The following MCC variants were observed in gnomAD, a reference collection of about 807,000 sequenced individuals.
The protein encoded by MCC is MCC regulator of Wnt signaling pathway.
MCC carries 90 observed loss-of-function variants against 116.2 expected under a neutral mutation model. The ratio of observed to expected loss-of-function variants is 0.77; its 90% confidence interval spans 0.65 to 0.92. MCC has a LOEUF of 0.92. MCC is among the 40% of genes least tolerant of loss of function. The probability of loss-of-function intolerance (pLI) is 0.00; values close to 1 mark genes in which losing one functional copy is unlikely to be tolerated. For missense variants in MCC, 1,516 were observed against 1,312.2 expected (o/e 1.16, Z -2.40); for synonymous variants, 578 against 510.5 (o/e 1.13, Z -1.78).
intron 3 of MCC, among the ~76,000 whole-genome samples, chr5:113,216,607 A>G (rs1763327151): frequency 6.6e-6 from 1 of 152,230 alleles, no homozygotes; most frequent in African/African-American, 2.4e-5. Flanking sequence ...TTTACAAGGT[A>G]TTTTTAAAAT....
At chr5:113,484,770 C>A (rs186965220) in intron 1 of MCC, among the ~76,000 whole-genome samples, 1 of 152,014 alleles carries the variant, frequency 6.6e-6, no homozygotes, top group African/African-American at 2.4e-5. Context: ...TTATATTGAA[C>A]GGTAAAAACA....
intron 1 of MCC, among the ~76,000 whole-genome samples, chr5:113,438,103 G>A (rs1415788860): frequency 6.6e-6 from 1 of 152,198 alleles, no homozygotes; most frequent in Non-Finnish European, 1.5e-5. Flanking sequence ...CATGAGAGGA[G>A]AGCCAATCCT....
chr5:113,481,162 T>A (rs187950920), intron 1 of MCC, among the ~76,000 whole-genome samples: 2 of 152,356 alleles, frequency 1.3e-5, no homozygotes, highest in Admixed American at 6.5e-5. Flanking sequence ...TTTTAAACAA[T>A]TTGATTAGCC....
At chr5:113,102,807 G>C (rs565537529) in intron 7 of MCC, among the ~76,000 whole-genome samples, 4 of 151,422 alleles carry the variant, frequency 2.6e-5, no homozygotes, top group Non-Finnish European at 5.9e-5. Flanking sequence ...AGAAGGCAGT[G>C]AAGAGATGGA....
intron 2 of MCC, among the ~76,000 whole-genome samples, chr5:113,380,062 T>C (rs773158031): frequency 9.2e-5 from 14 of 152,360 alleles, no homozygotes; most frequent in South Asian, 6.2e-4. Flanking sequence ...AATGAATCTA[T>C]GGAAATTCCT....
At chr5:113,111,045 G>C (rs1423037825) in intron 6 of MCC, among the ~76,000 whole-genome samples, 1 of 152,074 alleles carries the variant, frequency 6.6e-6, no homozygotes, top group Non-Finnish European at 1.5e-5. Flanking sequence ...TTTTCTAAAT[G>C]CAATTTTCCT....
At chr5:113,029,564 T>C (rs726038) in intron 17 of MCC, among the ~76,000 whole-genome samples, 1,917 of 152,182 alleles carry the variant, frequency 0.013, 30 homozygotes, top group African/African-American at 0.044. Context: ...TATGATACTC[T>C]CTTCATTGTA....
At chr5:113,054,163 C>T (rs960238389) in intron 14 of MCC, among the ~76,000 whole-genome samples, 2 of 152,220 alleles carry the variant, frequency 1.3e-5, no homozygotes, top group Non-Finnish European at 2.9e-5. Context: ...AATGCTTACA[C>T]TCCTTGACGC....
At chr5:113,051,129 C>T (rs1752457163) in intron 15 of MCC, among the ~76,000 whole-genome samples, 1 of 152,162 alleles carries the variant, frequency 6.6e-6, no homozygotes, top group African/African-American at 2.4e-5. Flanking sequence ...ACCTCAGAAA[C>T]TGATGAGTCC....
intron 1 of MCC, among the ~76,000 whole-genome samples, chr5:113,419,511 C>T (rs991287988): frequency 6.6e-6 from 1 of 151,892 alleles, no homozygotes; most frequent in Non-Finnish European, 1.5e-5. Context: ...TAGGAACAGT[C>T]TGAAATTTGA....
intron 17 of MCC, among the ~76,000 whole-genome samples, chr5:113,037,174 G>A (rs890835241): frequency 5.9e-5 from 9 of 152,170 alleles, no homozygotes; most frequent in African/African-American, 2.2e-4. Context: ...CCCACTCTTT[G>A]TGTGGCTCAA....
intron 5 of MCC, among the ~76,000 whole-genome samples, chr5:113,142,205 CCT>C (rs1394713881): frequency 6.6e-6 from 1 of 152,036 alleles, no homozygotes; most frequent in African/African-American, 2.4e-5. Context: ...TCCAAAGTTT[CCT>C]CTGACTTCTA....
At chr5:113,090,124 T>C (rs1340131630) in intron 8 of MCC, among the ~76,000 whole-genome samples, 1 of 151,220 alleles carries the variant, frequency 6.6e-6, no homozygotes. Context: ...GTGGGCAGAG[T>C]GCCTGTGTGG....
intron 2 of MCC, among the ~76,000 whole-genome samples, chr5:113,367,648 G>C (rs1768733479): frequency 1.4e-5 from 2 of 145,354 alleles, no homozygotes; most frequent in Non-Finnish European, 3.0e-5. Flanking sequence ...GGAAGAGAGA[G>C]AGAAAGAGAG....
intron 5 of MCC, 55 bp from the exon 6 acceptor site, chr5:113,122,881 A>G: frequency 3.2e-6 from 5 of 1,558,548 alleles, no homozygotes; most frequent in Non-Finnish European, 3.5e-6. Flanking sequence ...ACAACCCCCT[A>G]GAGAATATGT....
At chr5:113,161,983 C>T (rs750357052) in intron 3 of MCC, among the ~76,000 whole-genome samples, 1 of 152,280 alleles carries the variant, frequency 6.6e-6, no homozygotes, top group Non-Finnish European at 1.5e-5. Flanking sequence ...GACGGATGGG[C>T]CATTTACCGT....
intron 8 of MCC, among the ~76,000 whole-genome samples, chr5:113,094,827 T>A (rs1381737156): frequency 6.6e-6 from 1 of 152,170 alleles, no homozygotes; most frequent in African/African-American, 2.4e-5. Context: ...CACATGAGGC[T>A]GGGGTGAGTA....
chr5:113,455,082 A>G lies in MCC; in HGVS notation c.170+33163T>C, dbSNP rs1386091956. Among the ~76,000 whole-genome samples the G allele has an allele frequency of 3.3e-5, 5 of 152,068 alleles. No homozygotes were observed. The East Asian group carries it at 9.6e-4, about 29-fold the overall frequency. On this transcript the variant is annotated intron_variant, in intron 1 of 18. Transcript: ENST00000408903. Reference sequence around the variant, plus strand: ...TTTCCACCTGTTTGCTTATCCTCCCACCGCACCAAAGATCCAGTCCAACCT... The same window carrying G: ...TTTCCACCTGTTTGCTTATCCTCCCGCCGCACCAAAGATCCAGTCCAACCT...
rs887425194 is a variant in MCC at position 113,294,589 on chromosome 5, G to C, written c.627+45930C>G. The stretch of plus-strand genomic sequence containing the variant: ...GCCGTGGCTCGCGTTTCACGGACGA[G>C]CCATTGCTGCAGGAGGCTCGGTGGC... On this transcript the variant is annotated intron_variant, in intron 3 of 18. Transcript: ENST00000408903. The C allele has an allele frequency of 3.2e-6, 4 of 1,241,034 alleles. No homozygotes were observed. In the African/African-American group the frequency reaches 6.3e-5, roughly 19 times the overall value. 76.9% of individuals were successfully genotyped at this position (1,241,034 alleles called of 1,614,324 possible).
Sources: gnomAD v4.1 joint callset for allele counts (sites outside exome capture counted in the v4.1 genomes callset) on GRCh38, gnomAD v4.1.1 for gene constraint, MANE v1.5 for transcripts, NCBI Gene and HGNC (gene_info 2026-07-23, HGNC 2026-07-21) for gene names.